The following CSMD1 variants were observed in gnomAD, a reference collection of about 807,000 sequenced individuals.
CSMD1 encodes the protein CUB and Sushi multiple domains 1, also known as CUB and sushi domain-containing protein 1.
In CSMD1, 213 loss-of-function variants were observed where a neutral mutation model predicts 417.5. That is an observed-to-expected ratio of 0.51 (90% confidence interval 0.46 to 0.57). CSMD1 has a LOEUF of 0.57. Among genes scored for constraint, CSMD1 ranks in the 20% least tolerant of loss-of-function variants. CSMD1 has a pLI of 0.00. For missense variants in CSMD1, 6,923 were observed against 4,529.7 expected (o/e 1.53, Z -15.17); for synonymous variants, 2,862 against 1,736.8 (o/e 1.65, Z -16.11).
intron 1 of CSMD1, among the ~76,000 whole-genome samples, chr8:4,842,979 G>C (rs916820890): frequency 2.0e-5 from 3 of 152,180 alleles, no homozygotes; most frequent in Non-Finnish European, 2.9e-5. Flanking sequence ...TTTGTGTTCA[G>C]AGCTTGTTGA....
At chr8:3,733,478 A>C (rs1156325907) in intron 6 of CSMD1, among the ~76,000 whole-genome samples, 1 of 151,708 alleles carries the variant, frequency 6.6e-6, no homozygotes, top group East Asian at 1.9e-4. Context: ...TTTGCTTTCA[A>C]CGGTTTCAGT....
At chr8:4,395,752 A>G (rs971462819) in intron 3 of CSMD1, among the ~76,000 whole-genome samples, 1 of 147,068 alleles carries the variant, frequency 6.8e-6, no homozygotes, top group African/African-American at 2.5e-5. Context: ...CTGTGTAAGC[A>G]TTTGTAAAAA....
chr8:2,939,986 C>G (rs1801756747), intron 69 of CSMD1, among the ~76,000 whole-genome samples: 1 of 152,194 alleles, frequency 6.6e-6, no homozygotes, highest in African/African-American at 2.4e-5. Flanking sequence ...TGCAGGTGTG[C>G]AGCTGCACCC....
intron 3 of CSMD1, among the ~76,000 whole-genome samples, chr8:4,079,367 C>T (rs531465679): frequency 1.3e-5 from 2 of 152,142 alleles, no homozygotes; most frequent in Non-Finnish European, 2.9e-5. Flanking sequence ...TTTATGTAAT[C>T]TGTAATCAGG....
At chr8:4,302,611 ATGT>A (rs907281726) in intron 3 of CSMD1, among the ~76,000 whole-genome samples, 22 of 152,274 alleles carry the variant, frequency 1.4e-4, no homozygotes, top group African/African-American at 3.9e-4. Flanking sequence ...ATTCTCTCCT[ATGT>A]TGTTGTGTTT....
At chr8:4,493,416 T>C (rs1371927653) in intron 2 of CSMD1, among the ~76,000 whole-genome samples, 1 of 152,084 alleles carries the variant, frequency 6.6e-6, no homozygotes, top group Non-Finnish European at 1.5e-5. Context: ...CTACTGATGG[T>C]CGGGACTGGT....
chr8:4,358,027 G>C (rs940992752), intron 3 of CSMD1, among the ~76,000 whole-genome samples: 2 of 152,036 alleles, frequency 1.3e-5, no homozygotes, highest in African/African-American at 4.8e-5. Context: ...TCTGTCCTGA[G>C]GAATACACAG....
intron 3 of CSMD1, among the ~76,000 whole-genome samples, chr8:4,123,615 C>T (rs1488850366): frequency 6.6e-6 from 1 of 152,078 alleles, no homozygotes; most frequent in African/African-American, 2.4e-5. Flanking sequence ...GAAAAAAAGT[C>T]ATTTTTCCTT....
intron 2 of CSMD1, among the ~76,000 whole-genome samples, chr8:4,570,716 T>A (rs924303358): frequency 1.3e-5 from 2 of 152,212 alleles, no homozygotes; most frequent in African/African-American, 2.4e-5. Context: ...TCAGAAGGAA[T>A]GGTACAAGCT....
intron 5 of CSMD1, among the ~76,000 whole-genome samples, chr8:3,871,316 G>C (rs758201219): frequency 5.9e-5 from 9 of 151,946 alleles, no homozygotes; most frequent in Admixed American, 1.3e-4. Context: ...AGTAGTGTTG[G>C]AAAATCACAA....
rs545392463 is a variant in CSMD1 at position 4,291,624 on chromosome 8, C to A, written c.415+128329G>T. Among the ~76,000 whole-genome samples the A allele has an allele frequency of 7.4e-4, 112 of 152,152 alleles. 2 individuals are homozygous for A. Among genetic ancestry groups the A allele is most frequent in the Non-Finnish European group, 1.5e-3 (99 of 67,972 alleles). ...TGGTCATTTTTCTTGTGATATGTTTCTTTCTTAAATTATAGCCGCAATATG... is the reference window on the plus strand; with the variant it reads ...TGGTCATTTTTCTTGTGATATGTTTATTTCTTAAATTATAGCCGCAATATG... On this transcript the variant is annotated intron_variant, in intron 3 of 69. Transcript: ENST00000635120.
intron 1 of CSMD1, among the ~76,000 whole-genome samples, chr8:4,878,682 T>A (rs539633549): frequency 1.3e-5 from 2 of 151,972 alleles, no homozygotes; most frequent in African/African-American, 2.4e-5. Context: ...TAGGGTCTTA[T>A]ATTCTGTATT....
At chr8:3,674,617 A>C (rs1450238303) in intron 7 of CSMD1, among the ~76,000 whole-genome samples, 1 of 152,180 alleles carries the variant, frequency 6.6e-6, no homozygotes, top group Non-Finnish European at 1.5e-5. Flanking sequence ...CTAGATATTA[A>C]TATCCTTATT....
intron 5 of CSMD1, among the ~76,000 whole-genome samples, chr8:3,970,669 G>C (rs2130075653): frequency 6.6e-6 from 1 of 152,268 alleles, no homozygotes; most frequent in Non-Finnish European, 1.5e-5. Context: ...AGTAGCACGT[G>C]GAACCTCTAA....
At chr8:2,982,376 A>C (rs967271509) in intron 54 of CSMD1, among the ~76,000 whole-genome samples, 1 of 152,028 alleles carries the variant, frequency 6.6e-6, no homozygotes, top group Non-Finnish European at 1.5e-5. Flanking sequence ...CAAACAAACG[A>C]AAAGCAAATA....
chr8:3,415,640 G>A (rs552776568), intron 12 of CSMD1, among the ~76,000 whole-genome samples: 3 of 152,172 alleles, frequency 2.0e-5, no homozygotes, highest in Admixed American at 6.5e-5. Context: ...GATTACAGGC[G>A]TGAGCCATTG....
rs183354412 is a variant in CSMD1 at position 4,265,245 on chromosome 8, A to G, written c.415+154708T>C. Among the ~76,000 whole-genome samples, 216 of 152,270 alleles carry G rather than the reference A, an allele frequency of 1.4e-3. 1 individual carries two copies. Among genetic ancestry groups the G allele is most frequent in the African/African-American group, 5.1e-3 (212 of 41,578 alleles). On this transcript the variant is annotated intron_variant, in intron 3 of 69. Coordinates refer to ENST00000635120, the MANE Select transcript of CSMD1 (RefSeq NM_033225.6). ...GTTACAAATTGTATTCATATATTTT[A>G]TGCTATATTTTATGGAATAGCAAAC...
At chr8:3,220,825 A>G (rs1344245485) in intron 28 of CSMD1, among the ~76,000 whole-genome samples, 2 of 151,946 alleles carry the variant, frequency 1.3e-5, no homozygotes, top group African/African-American at 4.8e-5. Context: ...ACAGAGCAAA[A>G]CTCATCTCAA....
At position 4,043,338 on chromosome 8, in the gene CSMD1, G is replaced by C. The variant is rs570243255; in HGVS notation, c.416-11239C>G. Among the ~76,000 whole-genome samples, 8 of 152,058 alleles carry C rather than the reference G, an allele frequency of 5.3e-5. No individual in the cohort carries two copies. In the South Asian group the frequency reaches 1.7e-3, roughly 32 times the overall value. ...AAGAAGAGGAAAAAAGAAAATGAAT[G>C]AGAAATACAAAGCAAACTGCAAGGT... is the stretch of plus-strand genomic sequence containing the variant. On this transcript the variant is annotated intron_variant, in intron 3 of 69. Transcript: ENST00000635120.
Sources: allele counts gnomAD v4.1 joint callset (sites outside exome capture counted in the v4.1 genomes callset), GRCh38; gene constraint gnomAD v4.1.1; transcripts MANE v1.5; gene names NCBI Gene and HGNC (gene_info 2026-07-23, HGNC 2026-07-21).